The following KIFAP3 variants were observed in gnomAD, a reference collection of about 807,000 sequenced individuals.
KIFAP3 encodes the protein kinesin-associated protein 3.
KIFAP3 carries 68 observed loss-of-function variants against 106.5 expected under a neutral mutation model. The observed-to-expected ratio is 0.64, with a 90% CI of 0.53 to 0.78. KIFAP3 has a LOEUF of 0.78. Among genes scored for constraint, KIFAP3 ranks in the 30% least tolerant of loss-of-function variants. The pLI is 0.00. For missense variants in KIFAP3, 780 were observed against 941.8 expected (o/e 0.83, Z 2.25); for synonymous variants, 320 against 311.5 (o/e 1.03, Z -0.29).
chr1:170,059,747 C>T (rs1454518627), intron 1 of KIFAP3, among the ~76,000 whole-genome samples: 1 of 152,140 alleles, frequency 6.6e-6, no homozygotes, highest in East Asian at 1.9e-4. Context: ...CCCTGATGAA[C>T]ATCGATGCAA....
intron 3 of KIFAP3, among the ~76,000 whole-genome samples, chr1:170,043,161 T>C (rs1670069232): frequency 6.6e-6 from 1 of 152,162 alleles, no homozygotes. Context: ...ATTTTATAGA[T>C]TAATATCATC....
chr1:170,026,622 G>A (rs1669116874), intron 8 of KIFAP3, among the ~76,000 whole-genome samples: 1 of 152,212 alleles, frequency 6.6e-6, no homozygotes, highest in African/African-American at 2.4e-5. Flanking sequence ...GCTGAGCAGA[G>A]AGAAACTCTG....
At chr1:169,970,538 A>G (rs1408820764) in intron 17 of KIFAP3, among the ~76,000 whole-genome samples, 2 of 152,050 alleles carry the variant, frequency 1.3e-5, no homozygotes, top group Non-Finnish European at 2.9e-5. Context: ...TCAGTGGAAG[A>G]TAAGTTTGTT....
chr1:170,011,034 C>T (rs1311528347), intron 10 of KIFAP3, among the ~76,000 whole-genome samples: 2 of 151,818 alleles, frequency 1.3e-5, no homozygotes, highest in Non-Finnish European at 1.5e-5. Context: ...GCAAACTGAC[C>T]ATTCATGTCT....
intron 19 of KIFAP3, among the ~76,000 whole-genome samples, chr1:169,952,204 G>A (rs1664764524): frequency 6.6e-6 from 1 of 151,850 alleles, no homozygotes; most frequent in African/African-American, 2.4e-5. Context: ...TTTATTTAAA[G>A]TACACTACAG....
At chr1:169,992,055 G>T in intron 11 of KIFAP3, 100 bp downstream of exon 11, 1 of 481,968 alleles carries the variant, frequency 2.1e-6, no homozygotes, top group African/African-American at 2.0e-5. Context: ...TTATTAAGAA[G>T]AGAACTTTTT....
intron 1 of KIFAP3, among the ~76,000 whole-genome samples, chr1:170,073,516 GT>G (rs1040675267): frequency 1.6e-4 from 25 of 152,286 alleles, no homozygotes; most frequent in African/African-American, 5.8e-4. Context: ...TTACATTCAT[GT>G]TTCATTTTTT....
At chr1:169,982,580 C>T (rs931117961) in intron 14 of KIFAP3, 122 bp downstream of exon 14, 2 of 558,492 alleles carry the variant, frequency 3.6e-6, no homozygotes, top group Non-Finnish European at 6.1e-6. Context: ...GAGAAGAGAG[C>T]TGTGAGAAGA....
chr1:170,026,751 G>C (rs1669126659), intron 8 of KIFAP3, among the ~76,000 whole-genome samples: 1 of 152,124 alleles, frequency 6.6e-6, no homozygotes, highest in African/African-American at 2.4e-5. Context: ...TGAAAATAAT[G>C]CCTGCTTCTA....
intron 10 of KIFAP3, among the ~76,000 whole-genome samples, chr1:169,993,709 A>C: frequency 6.6e-6 from 1 of 152,126 alleles, no homozygotes; most frequent in African/African-American, 2.4e-5. Flanking sequence ...CAACATGGAA[A>C]CCCTGTCTCT....
intron 19 of KIFAP3, among the ~76,000 whole-genome samples, chr1:169,926,650 G>GT (rs1316714632): frequency 6.9e-6 from 1 of 143,970 alleles, no homozygotes; most frequent in African/African-American, 2.6e-5. Flanking sequence ...GTAACATTAA[G>GT]TTTTTTCTGT....
chr1:169,952,558 A>C (rs1322624606), intron 19 of KIFAP3, among the ~76,000 whole-genome samples: 1 of 152,074 alleles, frequency 6.6e-6, no homozygotes, highest in Non-Finnish European at 1.5e-5. Flanking sequence ...GGTTGTGATC[A>C]AAAAAGCTGA....
intron 9 of KIFAP3, 26 bp from the exon 10 acceptor site, chr1:170,016,650 A>G (rs1196355934): frequency 6.9e-7 from 1 of 1,446,732 alleles, no homozygotes; most frequent in Non-Finnish European, 9.3e-7. Flanking sequence ...ATACAAATAC[A>G]GTGAAGTTCT....
intron 19 of KIFAP3, among the ~76,000 whole-genome samples, chr1:169,924,797 A>G (rs1663038144): frequency 6.6e-6 from 1 of 152,202 alleles, no homozygotes; most frequent in Non-Finnish European, 1.5e-5. Flanking sequence ...TTTAAACAGA[A>G]GCAGATAGAT....
chr1:170,008,340 G>C (rs1332155585), intron 10 of KIFAP3, among the ~76,000 whole-genome samples: 1 of 151,422 alleles, frequency 6.6e-6, no homozygotes, highest in African/African-American at 2.4e-5. Context: ...GCAACCTACA[G>C]AATGGGAGAA....
chr1:170,006,251 T>G (rs1227864554), intron 10 of KIFAP3, among the ~76,000 whole-genome samples: 1 of 152,170 alleles, frequency 6.6e-6, no homozygotes, highest in Non-Finnish European at 1.5e-5. Flanking sequence ...CTTTCATCCT[T>G]TCATGCATTC....
At chr1:170,026,505 G>A (rs188481824) in intron 8 of KIFAP3, among the ~76,000 whole-genome samples, 48 of 152,304 alleles carry the variant, frequency 3.2e-4, no homozygotes, top group Non-Finnish European at 6.3e-4. Context: ...ACAAAACAGT[G>A]AAGGAGAATC....
At chr1:170,077,911 T>G (rs1671950741), upstream of KIFAP3, among the ~76,000 whole-genome samples, 1 of 152,120 alleles carries the variant, frequency 6.6e-6, no homozygotes, top group African/African-American at 2.4e-5. Context: ...TTAAGTACTA[T>G]TCCATGGTAT....
intron 10 of KIFAP3, among the ~76,000 whole-genome samples, chr1:170,000,766 T>C (rs937026363): frequency 1.3e-5 from 2 of 152,156 alleles, no homozygotes; most frequent in Admixed American, 6.5e-5. Context: ...ATCTCTTTTA[T>C]AATATATTTG....
Sources: gnomAD v4.1 joint callset for allele counts (sites outside exome capture counted in the v4.1 genomes callset) on GRCh38, gnomAD v4.1.1 for gene constraint, MANE v1.5 for transcripts, NCBI Gene and HGNC (gene_info 2026-07-23, HGNC 2026-07-21) for gene names.